DSC2: variants seen among roughly 807,000 people sequenced by gnomAD.
DSC2 encodes desmocollin-2.
DSC2 carries 51 observed loss-of-function variants against 87.6 expected under a neutral mutation model. The ratio of observed to expected loss-of-function variants is 0.58; its 90% CI spans 0.46 to 0.74. The LOEUF is 0.74. Ranked by LOEUF, DSC2 falls within the 30% of genes least tolerant of loss-of-function variation. The pLI is 0.00. For synonymous variants in DSC2, 383 were observed against 393.2 expected, an observed-to-expected ratio of 0.97 and a Z score of 0.31; for missense variants, 1,066 against 1,089.5, an observed-to-expected ratio of 0.98 and a Z score of 0.30.
At position 31,069,220 on chromosome 18, in the gene DSC2, T is replaced by C. The variant is rs1986745237; in HGVS notation, c.2251-69A>G. Reference sequence around the variant, plus strand: ...CACAAAATTATGAAAAAGAACAACATCAAGCGGATAATGCCTTTTTTTGTG... The same window carrying C: ...CACAAAATTATGAAAAAGAACAACACCAAGCGGATAATGCCTTTTTTTGTG... On this transcript the variant is annotated intron_variant, in intron 14 of 15. Transcript: ENST00000280904. 5.0e-6 allele frequency: 8 copies of C among 1,594,036 alleles called. No homozygotes were observed. The Admixed American group carries it at 1.4e-4, about 27-fold the overall frequency.
chr18:31,068,835 T>C, intron 15 of DSC2, 59 bp downstream of exon 15: 1 of 1,588,862 alleles, frequency 6.3e-7, no homozygotes, highest in South Asian at 1.1e-5. Flanking sequence ...ATCCAGTTAG[T>C]TATTTATAAA....
Position 31,059,074 on chromosome 18 carries a change from C to T in DSC2, c.*8941G>A, listed in dbSNP as rs562194147. 6 of 152,262 alleles carry T rather than the reference C, an allele frequency of 3.9e-5. No homozygotes were observed. The highest frequency in any genetic ancestry group is 5.9e-5 in the Non-Finnish European group (4 of 68,018). 9.4% of individuals were successfully genotyped at this position (152,262 alleles called of 1,614,324 possible). A position where few individuals can be genotyped will look rare whatever the true frequency, so the allele number is the denominator to read the frequency against. ...TTTGTGGTAGAGCCCAGATCTGAACCTTGCCTGTTGGGCCCCAAGGGACCC... is the reference window on the plus strand; with the variant it reads ...TTTGTGGTAGAGCCCAGATCTGAACTTTGCCTGTTGGGCCCCAAGGGACCC... On this transcript the variant is annotated 3_prime_UTR_variant, in exon 16 of 16. Coordinates refer to ENST00000280904, the MANE Select transcript of DSC2 (RefSeq NM_024422.6).
At chr18:31,095,852 G>A (rs1209554931) in intron 1 of DSC2, among the ~76,000 whole-genome samples, 3 of 152,072 alleles carry the variant, frequency 2.0e-5, no homozygotes, top group African/African-American at 4.8e-5. Context: ...CCTGAAGAGC[G>A]GCTACAAGTG....
chr18:31,070,261 T>C (rs1463729969), intron 14 of DSC2, among the ~76,000 whole-genome samples: 1 of 152,194 alleles, frequency 6.6e-6, no homozygotes, highest in Non-Finnish European at 1.5e-5. Context: ...CTATTTCATA[T>C]ATTTGGCCTC....
At chr18:31,068,783 T>C (rs1270942169) in intron 15 of DSC2, 111 bp downstream of exon 15, 3 of 1,374,982 alleles carry the variant, frequency 2.2e-6, no homozygotes, top group Non-Finnish European at 3.0e-6. Flanking sequence ...TTTCAATTAG[T>C]AGAATTAGTA....
rs1986691422 is a variant in DSC2, at chr18:31,068,133, C to CCTCTT, written c.2583_2587dup (p.Gly863GlufsTer9). On this transcript the variant is annotated frameshift_variant, in exon 16 of 16. Transcript: ENST00000280904. LOFTEE classifies it high-confidence loss of function. Reference sequence around the variant, plus strand: ...ACAACCTACAGACCCAGCCACCGATCCTCTTCCTTCATAGTTATATGTCAG... The same window carrying CCTCTT: ...ACAACCTACAGACCCAGCCACCGATCCTCTTCTCTTCCTTCATAGTTATATGTCAG... The CCTCTT allele has an allele frequency of 5.6e-6, 9 of 1,614,080 alleles. No homozygotes were observed. Among genetic ancestry groups the CCTCTT allele is most frequent in the Non-Finnish European group, 6.8e-6 (8 of 1,180,016 alleles).
intron 12 of DSC2, among the ~76,000 whole-genome samples, chr18:31,072,587 C>T (rs190716983): frequency 1.1e-4 from 17 of 152,204 alleles, no homozygotes; most frequent in Admixed American, 9.8e-4. Flanking sequence ...ATTACGACAA[C>T]AGTACATTAC....
rs767544897 is a variant in DSC2 at position 31,091,060 on chromosome 18, A to T, written c.442T>A (p.Ser148Thr). The T allele has an allele frequency of 6.2e-7, 1 of 1,614,060 alleles. No homozygotes were observed. The highest frequency in any genetic ancestry group is 1.1e-5 in the South Asian group (1 of 91,076). ...APIPCSMLEN[S>T]LGPFPLFLQQ... is the part of the protein sequence containing the mutation. ...AGGAAAAGTGGAAAAGGACCCAAGG[A>T]GTTTTCTAGCATCGAACAAGGAATT... Residue 148 changes from serine to threonine, a missense_variant, in exon 4 of 16, where the codon TCC becomes ACC. Ser to Thr is a moderately conservative substitution (Grantham distance 58). Coordinates refer to ENST00000280904, the MANE Select transcript of DSC2 (RefSeq NM_024422.6).
At chr18:31,093,237 A>C (rs141657924) in intron 2 of DSC2, among the ~76,000 whole-genome samples, 102 of 152,318 alleles carry the variant, frequency 6.7e-4, no homozygotes, top group African/African-American at 2.4e-3. Context: ...CTATCAACCC[A>C]TCACCTAGGT....
rs746780312 is a variant in DSC2 at position 31,067,151 on chromosome 18, C to T, written c.*864G>A. 3.4e-5 allele frequency: 5 copies of T among 148,822 alleles called. No individual in the cohort carries two copies. Among genetic ancestry groups the T allele is most frequent in the South Asian group, 4.2e-4 (2 of 4,736 alleles). The allele number at this position is 148,822 out of a possible 1,614,324, so 9.2% of individuals were successfully genotyped here. ...TTTCAAGAAAAACTAAGAATATATACACTTACATAAAACAAAAAAAAGGAA... is the reference window on the plus strand; with the variant it reads ...TTTCAAGAAAAACTAAGAATATATATACTTACATAAAACAAAAAAAAGGAA... On this transcript the variant is annotated 3_prime_UTR_variant, in exon 16 of 16. Coordinates refer to ENST00000280904, the MANE Select transcript of DSC2 (RefSeq NM_024422.6).
At chr18:31,101,590 ACCCTGCT>A in intron 1 of DSC2, 1 of 343,890 alleles carries the variant, frequency 2.9e-6, no homozygotes, top group Non-Finnish European at 5.2e-6. Flanking sequence ...GCCCCGGCGC[ACCCTGCT>A]CCCCGGCGCG....
At chr18:31,090,796 A>C (rs1454280729) in intron 4 of DSC2, among the ~76,000 whole-genome samples, 4 of 152,224 alleles carry the variant, frequency 2.6e-5, no homozygotes, top group Admixed American at 6.5e-5. Context: ...ACAATTCATT[A>C]AGGAACCATG....
intron 6 of DSC2, 146 bp from the exon 7 acceptor site, chr18:31,086,888 TC>T: frequency 1.3e-6 from 1 of 793,568 alleles, no homozygotes; most frequent in Non-Finnish European, 2.1e-6. Flanking sequence ...TGCAGACCTC[TC>T]CATACAGTAT....
At position 31,058,866 on chromosome 18, in the gene DSC2, G is replaced by A. The variant is rs1790695; in HGVS notation, c.*9149C>T. The A allele has an allele frequency of 0.66, 99,667 of 151,918 alleles. 32,799 individuals carry two copies. Among genetic ancestry groups the A allele is most frequent in the East Asian group, 0.7 (3,630 of 5,164 alleles). 9.4% of individuals were successfully genotyped at this position (151,918 alleles called of 1,614,324 possible). On this transcript the variant is annotated 3_prime_UTR_variant, in exon 16 of 16. Transcript: ENST00000280904. ...TTTTTGTGGCACTTTTTAATAGTACGTCTCCGTGAACATATTATATCACTT... is the reference window on the plus strand; with the variant it reads ...TTTTTGTGGCACTTTTTAATAGTACATCTCCGTGAACATATTATATCACTT...
chr18:31,091,837 T>C (rs899825066), intron 3 of DSC2, among the ~76,000 whole-genome samples: 1 of 151,790 alleles, frequency 6.6e-6, no homozygotes, highest in East Asian at 1.9e-4. Context: ...AAAAAAAAAA[T>C]GCTGCTTTGT....
intron 11 of DSC2, 148 bp downstream of exon 11, chr18:31,079,699 A>G (rs1987139308): frequency 9.3e-6 from 8 of 855,634 alleles, no homozygotes; most frequent in Non-Finnish European, 1.4e-5. Context: ...ATGAGTTAAT[A>G]AATTATAGTA....
intron 14 of DSC2, 61 bp from the exon 15 acceptor site, chr18:31,069,212 GAAC>G (rs1464281875): frequency 6.2e-7 from 1 of 1,604,880 alleles, no homozygotes; most frequent in East Asian, 2.2e-5. Flanking sequence ...TTATGAAAAA[GAAC>G]AACATCAAGC....
chr18:31,090,642 G>C (rs1272988961), intron 4 of DSC2, among the ~76,000 whole-genome samples: 1 of 152,164 alleles, frequency 6.6e-6, no homozygotes, highest in East Asian at 1.9e-4. Flanking sequence ...GTAGATTCAA[G>C]AACAAGAAAT....
chr18:31,080,500 G>C, intron 9 of DSC2, 148 bp from the exon 10 acceptor site: 1 of 997,154 alleles, frequency 1.0e-6, no homozygotes, highest in South Asian at 1.6e-5. Flanking sequence ...CAGTGATATG[G>C]TTTGGCTCTG....
Sources: allele counts gnomAD v4.1 joint callset (sites outside exome capture counted in the v4.1 genomes callset), GRCh38; gene constraint gnomAD v4.1.1; transcripts MANE v1.5; gene names NCBI Gene and HGNC (gene_info 2026-07-23, HGNC 2026-07-21).